ZBTB20: variants seen among roughly 807,000 people sequenced by gnomAD.
ZBTB20 encodes zinc finger and BTB domain-containing protein 20.
A neutral mutation model predicts 56.9 loss-of-function variants in ZBTB20; 9 were observed. That is an observed-to-expected ratio of 0.16 (90% CI 0.10 to 0.28). The LOEUF is 0.28. ZBTB20 is among the 10% of genes least tolerant of loss of function. ZBTB20 has a pLI of 1.00. For missense variants in ZBTB20, 655 were observed against 1,003.0 expected (o/e 0.65, Z 4.69); for synonymous variants, 417 against 420.7 (o/e 0.99, Z 0.11).
intron 5 of ZBTB20, among the ~76,000 whole-genome samples, chr3:114,708,119 T>C (rs75035976): frequency 3.9e-5 from 6 of 152,172 alleles, no homozygotes; most frequent in Non-Finnish European, 8.8e-5. Flanking sequence ...GTACAGAACA[T>C]GCATAAGAAA....
intron 4 of ZBTB20, among the ~76,000 whole-genome samples, chr3:114,886,493 A>G (rs1253381323): frequency 2.0e-5 from 3 of 152,196 alleles, no homozygotes; most frequent in Admixed American, 2.0e-4. Context: ...TTATCTGGAG[A>G]TCATTACGAA....
At chr3:114,564,406 C>A (rs1002795911) in intron 6 of ZBTB20, among the ~76,000 whole-genome samples, 1 of 151,978 alleles carries the variant, frequency 6.6e-6, no homozygotes, top group African/African-American at 2.4e-5. Flanking sequence ...ATTCTAGGTA[C>A]CCAAATTTCA....
In ZBTB20 at chr3:114,339,509, A is replaced by C; in HGVS notation, c.1805-83T>G. ...GAATGAAGGACAGGAAAAACAAGAC[A>C]ACAAAAAAGAAAAATAAAACAATTA... is the stretch of plus-strand genomic sequence containing the variant. On this transcript the variant is annotated intron_variant, in intron 11 of 11. Coordinates refer to ENST00000675478, the MANE Select transcript of ZBTB20 (RefSeq NM_001348800.3). This position sits in a 1 kb window ranked among gnomAD's most constrained non-coding sequence, Gnocchi z 4.2. The C allele has an allele frequency of 7.1e-7, 1 of 1,399,014 alleles. No individual in the cohort carries two copies. The highest frequency in any genetic ancestry group is 1.5e-5 in the African/African-American group (1 of 68,878). The allele number at this position is 1,399,014 out of a possible 1,614,324, so 86.7% of individuals were successfully genotyped here. A position where few individuals can be genotyped will look rare whatever the true frequency, so the allele number is the denominator to read the frequency against.
intron 7 of ZBTB20, among the ~76,000 whole-genome samples, chr3:114,401,083 G>GACACAC (rs201829025): frequency 0.022 from 2,924 of 133,066 alleles, 52 homozygotes; most frequent in Middle Eastern, 0.029. Context: ...CTACCTCCCA[G>GACACAC]ACACACACAC....
chr3:114,838,738 C>A (rs1445837058), intron 4 of ZBTB20, among the ~76,000 whole-genome samples: 2 of 151,724 alleles, frequency 1.3e-5, no homozygotes, highest in Admixed American at 6.6e-5. Context: ...AGCACTATTC[C>A]ATATTTTTTT....
intron 5 of ZBTB20, among the ~76,000 whole-genome samples, chr3:114,795,789 G>T (rs2071301037): frequency 6.6e-6 from 1 of 152,014 alleles, no homozygotes; most frequent in South Asian, 2.1e-4. Context: ...TCAATTTCAT[G>T]ATGAAGGTCT....
At position 114,818,457 on chromosome 3, in the gene ZBTB20, T is replaced by C. The variant is rs567598175; in HGVS notation, c.-416-17283A>G. Among the ~76,000 whole-genome samples the C allele has an allele frequency of 2.0e-3, 309 of 152,186 alleles. 1 individual carries two copies. The highest frequency in any genetic ancestry group is 7.1e-3 in the African/African-American group (294 of 41,552). Reference sequence around the variant, plus strand: ...CTATAATGTTTTAAAGGGAAAGGGCTATGCATCTTAATCCCAATGTCTAGT... The same window carrying C: ...CTATAATGTTTTAAAGGGAAAGGGCCATGCATCTTAATCCCAATGTCTAGT... On this transcript the variant is annotated intron_variant, in intron 4 of 11. Transcript: ENST00000675478.
intron 4 of ZBTB20, among the ~76,000 whole-genome samples, chr3:114,805,376 T>A (rs148762662): frequency 0.012 from 1,757 of 152,016 alleles, 17 homozygotes; most frequent in South Asian, 0.042. Flanking sequence ...TCATGACTGA[T>A]AATTGTGAAG....
At chr3:114,925,294 T>G (rs1472480676) in intron 3 of ZBTB20, among the ~76,000 whole-genome samples, 1 of 151,970 alleles carries the variant, frequency 6.6e-6, no homozygotes, top group Non-Finnish European at 1.5e-5. Context: ...TTGGTTCTTT[T>G]AATAATTTCT....
At chr3:114,685,836 A>G (rs1398910079) in intron 6 of ZBTB20, among the ~76,000 whole-genome samples, 1 of 152,152 alleles carries the variant, frequency 6.6e-6, no homozygotes, top group Non-Finnish European at 1.5e-5. Flanking sequence ...AAATAAATAA[A>G]TGAAAAGGAA....
At chr3:114,587,091 G>T (rs2055256620) in intron 6 of ZBTB20, among the ~76,000 whole-genome samples, 1 of 150,170 alleles carries the variant, frequency 6.7e-6, no homozygotes, top group African/African-American at 2.5e-5. Context: ...CCATCTCCCG[G>T]GTTCAAGCGA....
At chr3:114,831,087 C>CTTTTTTTTTTTTT (rs57265260) in intron 4 of ZBTB20, among the ~76,000 whole-genome samples, 1 of 55,552 alleles carries the variant, frequency 1.8e-5, no homozygotes, top group African/African-American at 4.9e-5. Flanking sequence ...TTTCTTTCTT[C>CTTTTTTTTTTTTT]TTTTTTTTTT....
In ZBTB20 at chr3:114,717,326, G is replaced by A. The variant is rs183583229; in HGVS notation, c.-342-23751C>T. Among the ~76,000 whole-genome samples the A allele has an allele frequency of 2.3e-3, 356 of 152,154 alleles. 1 individual carries two copies. The highest frequency in any genetic ancestry group is 0.011 in the Admixed American group (166 of 15,264). ...AGAATACCATAAAGGAACTTTAGAC[G>A]TTATCAATAAATAAGCAAACTGATA... is the stretch of plus-strand genomic sequence containing the variant. On this transcript the variant is annotated intron_variant, in intron 5 of 11. Transcript: ENST00000675478.
intron 3 of ZBTB20, among the ~76,000 whole-genome samples, chr3:114,912,347 TAAAC>T (rs890035886): frequency 4.0e-5 from 6 of 151,300 alleles, no homozygotes; most frequent in African/African-American, 1.2e-4. Flanking sequence ...CTGGTAAAAA[TAAAC>T]ATATAGTCAA....
intron 5 of ZBTB20, among the ~76,000 whole-genome samples, chr3:114,760,859 A>C (rs78504883): frequency 0.012 from 1,864 of 152,252 alleles, 37 homozygotes; most frequent in African/African-American, 0.043. Flanking sequence ...ACCATAAGAT[A>C]AATCATATTT....
At chr3:114,440,601 T>C (rs1327164071) in intron 7 of ZBTB20, among the ~76,000 whole-genome samples, 2 of 152,176 alleles carry the variant, frequency 1.3e-5, no homozygotes, top group East Asian at 3.9e-4. Flanking sequence ...TTTCAGCTTC[T>C]AAAGAGAGCA....
At chr3:114,446,628 G>A (rs571780610) in intron 7 of ZBTB20, among the ~76,000 whole-genome samples, 2 of 152,076 alleles carry the variant, frequency 1.3e-5, no homozygotes, top group East Asian at 1.9e-4. Context: ...ACAGTTTCAC[G>A]AACTTCCTCT....
At chr3:115,052,632 TTCATTCCTA>T (rs1393060553) in intron 2 of ZBTB20, among the ~76,000 whole-genome samples, 2 of 152,184 alleles carry the variant, frequency 1.3e-5, no homozygotes, top group Non-Finnish European at 2.9e-5. Context: ...TTGTCAAGTT[TTCATTCCTA>T]TCACTGATTA....
At chr3:115,004,347 G>A (rs1055224030) in intron 2 of ZBTB20, among the ~76,000 whole-genome samples, 5 of 151,730 alleles carry the variant, frequency 3.3e-5, no homozygotes, top group East Asian at 2.0e-4. Flanking sequence ...TATAATCTCC[G>A]TATATGCAAG....
Sources: allele counts gnomAD v4.1 joint callset (sites outside exome capture counted in the v4.1 genomes callset), GRCh38; gene constraint gnomAD v4.1.1; non-coding constraint Gnocchi (gnomAD v3.1); transcripts MANE v1.5; gene names NCBI Gene and HGNC (gene_info 2026-07-23, HGNC 2026-07-21).